Variants in FAM169A observed in about 807,000 individuals in gnomAD.
FAM169A encodes the protein soluble lamin-associated protein of 75 kDa.
FAM169A carries 24 observed loss-of-function variants against 75.7 expected under a neutral mutation model. That is an observed-to-expected ratio of 0.32 (90% CI 0.23 to 0.45). FAM169A has a LOEUF of 0.45. Among genes scored for constraint, FAM169A ranks in the 20% least tolerant of loss-of-function variants. The pLI, the probability that FAM169A is intolerant of heterozygous loss-of-function variation, is 1.00. For missense variants in FAM169A, 673 were observed against 784.0 expected (o/e 0.86, Z 1.69); for synonymous variants, 271 against 271.0 (o/e 1.00, Z 0.00).
intron 5 of FAM169A, among the ~76,000 whole-genome samples, chr5:74,822,090 T>C (rs1747792528): frequency 1.3e-5 from 2 of 152,180 alleles, no homozygotes; most frequent in Non-Finnish European, 1.5e-5. Context: ...GAGCACAGTG[T>C]TATGCATTCT....
At chr5:74,798,906 G>A (rs1746415405) in intron 10 of FAM169A, 6 of 653,136 alleles carry the variant, frequency 9.2e-6, no homozygotes, top group African/African-American at 1.8e-5. Flanking sequence ...TGTTCACATC[G>A]ACTGCCCAGA....
chr5:74,827,137 T>G (rs1748072986), intron 5 of FAM169A, among the ~76,000 whole-genome samples: 1 of 152,208 alleles, frequency 6.6e-6, no homozygotes, highest in South Asian at 2.1e-4. Context: ...ACTAGTGATG[T>G]TAACCATAAT....
chr5:74,810,819 CT>C (rs59139246), intron 6 of FAM169A, among the ~76,000 whole-genome samples: 4,216 of 115,060 alleles, frequency 0.037, 40 homozygotes, highest in African/African-American at 0.064. Flanking sequence ...GATATTTGCC[CT>C]TTTTTTTTTT....
chr5:74,851,209 A>C (rs1277078799), intron 1 of FAM169A, among the ~76,000 whole-genome samples: 1 of 152,124 alleles, frequency 6.6e-6, no homozygotes, highest in Non-Finnish European at 1.5e-5. Context: ...ACACAAGAGA[A>C]GAAAGTCAAT....
At chr5:74,831,603 C>T (rs1748313183) in intron 5 of FAM169A, among the ~76,000 whole-genome samples, 1 of 152,092 alleles carries the variant, frequency 6.6e-6, no homozygotes, top group Non-Finnish European at 1.5e-5. Flanking sequence ...ATCTGAAATG[C>T]CCCAACAAGC....
intron 1 of FAM169A, among the ~76,000 whole-genome samples, chr5:74,850,084 T>G (rs1749362258): frequency 6.6e-6 from 1 of 152,222 alleles, no homozygotes; most frequent in African/African-American, 2.4e-5. Context: ...TGCCAGGTTC[T>G]ATTCCGAACA....
intron 10 of FAM169A, 71 bp from the exon 11 acceptor site, chr5:74,796,257 T>C (rs1046474651): frequency 7.2e-7 from 1 of 1,387,482 alleles, no homozygotes; most frequent in Non-Finnish European, 9.8e-7. Context: ...AAGTCCTTTC[T>C]TAAAGTAACA....
chr5:74,845,547 CTT>C (rs1436323838), intron 1 of FAM169A, among the ~76,000 whole-genome samples: 1 of 152,028 alleles, frequency 6.6e-6, no homozygotes. Flanking sequence ...ATAAATAAAA[CTT>C]GATGTACATA....
chr5:74,866,177 C>G lies in FAM169A; in HGVS notation c.-16G>C. 1.0e-6 allele frequency: 1 copy of G among 984,272 alleles called. No homozygotes were observed. Among genetic ancestry groups the G allele is most frequent in the South Asian group, 4.7e-5 (1 of 21,290 alleles). 61.0% of individuals were successfully genotyped at this position (984,272 alleles called of 1,614,324 possible). A position where few individuals can be genotyped will look rare whatever the true frequency, so the allele number is the denominator to read the frequency against. On this transcript the variant is annotated 5_prime_UTR_variant, in exon 1 of 13. Transcript: ENST00000687041. ...GGAGCGCACTCACCTCAGACGCGCC[C>G]CGGGAGCCGCTGGAAGAGCCCGGGA...
At chr5:74,783,223 C>T in intron 11 of FAM169A, 89 bp from the exon 12 acceptor site, 2 of 848,274 alleles carry the variant, frequency 2.4e-6, no homozygotes, top group Non-Finnish European at 3.8e-6. Context: ...TCAGTGCCTA[C>T]CTATCCTACA....
Position 74,801,027 on chromosome 5 carries a change from T to C in FAM169A, c.956A>G (p.His319Arg), listed in dbSNP as rs1302619174. The C allele has an allele frequency of 3.9e-6, 6 of 1,540,232 alleles. No homozygotes were observed. Among genetic ancestry groups the C allele is most frequent in the Admixed American group, 4.1e-5 (2 of 48,998 alleles). ...KDAFASTSEG[H>R]DKTSVSTHTR... ...ATGAGTGGAAACAGATGTTTTATCATGACCTGAGGAGAAAAACAGCAAAAC... is the reference window on the plus strand; with the variant it reads ...ATGAGTGGAAACAGATGTTTTATCACGACCTGAGGAGAAAAACAGCAAAAC... The change falls in exon 10 of 13, where the codon CAT (histidine) becomes CGT (arginine). Residue 319 changes from histidine to arginine, a missense_variant. Around this residue, in one of 3 missense-constraint regions of FAM169A, gnomAD observed 510 missense variants for 550.9 expected, o/e 0.93. Coordinates refer to ENST00000687041, the MANE Select transcript of FAM169A (RefSeq NM_001376049.1).
At chr5:74,845,732 C>G (rs1749121901) in intron 1 of FAM169A, among the ~76,000 whole-genome samples, 1 of 152,216 alleles carries the variant, frequency 6.6e-6, no homozygotes, top group Admixed American at 6.5e-5. Flanking sequence ...AGTAATACCA[C>G]AAGATTTGCA....
intron 8 of FAM169A, among the ~76,000 whole-genome samples, chr5:74,803,681 C>A (rs1179849930): frequency 1.3e-5 from 2 of 152,148 alleles, no homozygotes; most frequent in Non-Finnish European, 2.9e-5. Flanking sequence ...AGCAGTACCA[C>A]AAAACATCAG....
At chr5:74,815,048 TCAAC>T (rs1199977660) in intron 5 of FAM169A, among the ~76,000 whole-genome samples, 1 of 152,234 alleles carries the variant, frequency 6.6e-6, no homozygotes, top group African/African-American at 2.4e-5. Context: ...TTTTTTCAGT[TCAAC>T]CAAGTAATAT....
intron 6 of FAM169A, among the ~76,000 whole-genome samples, chr5:74,805,619 C>T (rs111582613): frequency 0.064 from 9,610 of 149,670 alleles, 673 homozygotes; most frequent in African/African-American, 0.17. Flanking sequence ...CAACCTCCGC[C>T]TCCTAGGTTC....
chr5:74,828,471 C>T (rs1748147349), intron 5 of FAM169A, among the ~76,000 whole-genome samples: 1 of 152,080 alleles, frequency 6.6e-6, no homozygotes, highest in Non-Finnish European at 1.5e-5. Flanking sequence ...TATTCCCTAA[C>T]ACAAATGTTG....
At position 74,781,609 on chromosome 5, in the gene FAM169A, G is replaced by A; in HGVS notation, c.1864C>T (p.Leu622=). 3 of 1,614,124 alleles carry A rather than the reference G, an allele frequency of 1.9e-6. No individual in the cohort carries two copies. In the South Asian group the frequency reaches 3.3e-5, roughly 18 times the overall value. The part of the protein sequence containing the change: ...EEQSEASSEQ[L]DQFTQSAEKA... ...TCTGCCGATTGTGTAAACTGATCCA[G>A]TTGCTCGGAAGATGCTTCAGACTGC... The change falls in exon 13 of 13, where the codon CTG becomes TTG. Residue 622 remains leucine (L), a synonymous_variant. Coordinates refer to ENST00000687041, the MANE Select transcript of FAM169A (RefSeq NM_001376049.1).
chr5:74,818,327 C>T (rs571341744), intron 5 of FAM169A, among the ~76,000 whole-genome samples: 1 of 152,034 alleles, frequency 6.6e-6, no homozygotes, highest in South Asian at 2.1e-4. Context: ...GACAACCCAG[C>T]CTGAAACTAG....
chr5:74,830,532 T>C (rs531962725), intron 5 of FAM169A, among the ~76,000 whole-genome samples: 38 of 152,268 alleles, frequency 2.5e-4, no homozygotes, highest in African/African-American at 8.7e-4. Context: ...ACACAGGAGA[T>C]TATGAGAAAT....
Sources: gnomAD v4.1 joint callset for allele counts (sites outside exome capture counted in the v4.1 genomes callset) on GRCh38, gnomAD v4.1.1 for gene constraint, gnomAD v4.1.1 regional missense constraint, MANE v1.5 for transcripts, NCBI Gene and HGNC (gene_info 2026-07-23, HGNC 2026-07-21) for gene names.